Variants in PCDHA7 observed in about 807,000 individuals in gnomAD.
PCDHA7 encodes the protein protocadherin alpha-7.
PCDHA7 carries 37 observed loss-of-function variants against 57.2 expected under a neutral mutation model. That is an observed-to-expected ratio of 0.65 (90% CI 0.50 to 0.85). The LOEUF (loss-of-function observed/expected upper bound fraction) is 0.85. Among genes scored for constraint, PCDHA7 ranks in the 40% least tolerant of loss-of-function variants. The probability of loss-of-function intolerance (pLI) is 0.00; values close to 1 mark genes in which losing one functional copy is unlikely to be tolerated. For synonymous variants in PCDHA7, 553 were observed against 558.8 expected, an observed-to-expected ratio of 0.99 and a Z score of 0.15; for missense variants, 1,188 against 1,241.8, an observed-to-expected ratio of 0.96 and a Z score of 0.65.
intron 1 of PCDHA7, among the ~76,000 whole-genome samples, chr5:140,966,009 G>A (rs2153745631): frequency 6.6e-6 from 1 of 152,278 alleles, no homozygotes; most frequent in South Asian, 2.1e-4. Flanking sequence ...AGTGTCCAGG[G>A]AAGATGTGGG....
chr5:140,921,151 A>AT (rs11299094), intron 1 of PCDHA7, among the ~76,000 whole-genome samples: 2 of 151,512 alleles, frequency 1.3e-5, no homozygotes. Context: ...CAGCTAATGC[A>AT]TTTTTTTTTT....
intron 1 of PCDHA7, among the ~76,000 whole-genome samples, chr5:140,954,580 T>C (rs1193569920): frequency 1.3e-5 from 2 of 152,174 alleles, no homozygotes; most frequent in African/African-American, 4.8e-5. Flanking sequence ...TTTTCAGAAG[T>C]GTCTGTTCAT....
intron 1 of PCDHA7, chr5:140,882,537 TCGACCGCGAGGAGCTGTGTGGGC>T (rs1554174449): frequency 1.2e-6 from 2 of 1,614,058 alleles, no homozygotes; most frequent in African/African-American, 2.7e-5. Flanking sequence ...AATTCTCGGA[TCGACCGCGAGGAGCTGTGTGGGC>T]GGAGCGCGGA....
chr5:140,858,296 C>T, intron 1 of PCDHA7: 1 of 1,597,390 alleles, frequency 6.3e-7, no homozygotes, highest in East Asian at 2.2e-5. Flanking sequence ...GTCTTACTCG[C>T]AGCAGAGGCG....
At chr5:140,980,684 GAAAA>G (rs782726576) in intron 2 of PCDHA7, among the ~76,000 whole-genome samples, 3 of 145,064 alleles carry the variant, frequency 2.1e-5, no homozygotes, top group Non-Finnish European at 4.6e-5. Flanking sequence ...TTTTCAAATT[GAAAA>G]AAAAAAGCCA....
chr5:140,871,332 G>T (rs1182944600), intron 1 of PCDHA7: 6 of 1,614,146 alleles, frequency 3.7e-6, no homozygotes, highest in South Asian at 1.1e-5. Flanking sequence ...GCTCCCGCGC[G>T]GTGGGGAGCT....
intron 1 of PCDHA7, chr5:140,968,520 C>A: frequency 6.2e-7 from 1 of 1,614,194 alleles, no homozygotes; most frequent in Non-Finnish European, 8.5e-7. Flanking sequence ...CCTACCTCAA[C>A]CAACTCGTCA....
intron 1 of PCDHA7, chr5:140,871,305 G>A (rs782666863): frequency 3.7e-6 from 6 of 1,613,874 alleles, no homozygotes; most frequent in African/African-American, 1.3e-5. Context: ...GCGCGCCGGG[G>A]AAGCCCACGC....
chr5:140,882,204 G>T, intron 1 of PCDHA7: 1 of 1,530,664 alleles, frequency 6.5e-7, no homozygotes. Flanking sequence ...ATTGGGCCTT[G>T]AGAGACAGTT....
rs1378161589 is a variant in PCDHA7 at position 140,853,784 on chromosome 5, G to A, written c.2355+17046G>A. Reference sequence around the variant, plus strand: ...AGAAATTCTGAAATGGGTAGTAAGAGCAAATTTTCATTTTAAAGCACACCT... The same window carrying A: ...AGAAATTCTGAAATGGGTAGTAAGAACAAATTTTCATTTTAAAGCACACCT... On this transcript the variant is annotated intron_variant, in intron 1 of 3. Coordinates refer to ENST00000525929, the MANE Select transcript of PCDHA7 (RefSeq NM_018910.3). The A allele has an allele frequency of 6.1e-6, 6 of 987,548 alleles. 1 individual carries two copies. Among genetic ancestry groups the A allele is most frequent in the Non-Finnish European group, 7.3e-6 (6 of 819,678 alleles). The allele number at this position is 987,548 out of a possible 1,614,324, so 61.2% of individuals were successfully genotyped here.
chr5:140,959,382 A>C (rs1332960560), intron 1 of PCDHA7, among the ~76,000 whole-genome samples: 1 of 152,200 alleles, frequency 6.6e-6, no homozygotes, highest in African/African-American at 2.4e-5. Flanking sequence ...TCAAAAAAAA[A>C]AGTCACAAAT....
At chr5:140,876,061 C>T (rs782151232) in intron 1 of PCDHA7, 17 of 1,613,778 alleles carry the variant, frequency 1.1e-5, no homozygotes, top group African/African-American at 1.3e-5. Context: ...ATTAGTTCTT[C>T]GGAAGTTATT....
At chr5:140,946,077 C>T (rs246055) in intron 1 of PCDHA7, among the ~76,000 whole-genome samples, 85,716 of 151,878 alleles carry the variant, frequency 0.56, 24,786 homozygotes, top group African/African-American at 0.69. Context: ...TTGCAAACCA[C>T]AGATCTGATA....
chr5:140,871,364 G>A lies in PCDHA7; in HGVS notation c.2355+34626G>A, dbSNP rs113722940. ...AGCTGGTCATACTCGCAGCAGAGGC[G>A]GCAGAGGGTGTGCTCTGAGGAGGGC... On this transcript the variant is annotated intron_variant, in intron 1 of 3. Transcript: ENST00000525929. The A allele has an allele frequency of 2.5e-5, 40 of 1,614,220 alleles. 1 individual carries two copies. The highest frequency in any genetic ancestry group is 2.0e-4 in the African/African-American group (15 of 75,074).
intron 3 of PCDHA7, among the ~76,000 whole-genome samples, chr5:141,003,395 T>G (rs1217089473): frequency 6.6e-6 from 1 of 152,160 alleles, no homozygotes; most frequent in Non-Finnish European, 1.5e-5. Flanking sequence ...CACTGAAACC[T>G]CCGCCTCCCG....
At chr5:140,895,437 C>A (rs1250254286) in intron 1 of PCDHA7, among the ~76,000 whole-genome samples, 3 of 152,172 alleles carry the variant, frequency 2.0e-5, no homozygotes, top group Non-Finnish European at 2.9e-5. Context: ...TCCTGAGACT[C>A]TTTTCATGTG....
intron 3 of PCDHA7, among the ~76,000 whole-genome samples, chr5:140,991,824 A>T (rs1326935155): frequency 1.3e-5 from 2 of 152,240 alleles, no homozygotes; most frequent in Non-Finnish European, 2.9e-5. Context: ...TTAGGCATTT[A>T]TAACGGCAGA....
intron 1 of PCDHA7, chr5:140,870,349 A>G (rs1554164130): frequency 6.2e-7 from 1 of 1,614,154 alleles, no homozygotes; most frequent in Non-Finnish European, 8.5e-7. Context: ...GGACCGCGAG[A>G]ACGTGTGGGC....
chr5:140,978,427 GTTGCT>G (rs2096802128), intron 1 of PCDHA7, among the ~76,000 whole-genome samples: 1 of 152,196 alleles, frequency 6.6e-6, no homozygotes, highest in Non-Finnish European at 1.5e-5. Context: ...ACTGTTATCA[GTTGCT>G]GGTGTTATGA....
Sources: allele counts gnomAD v4.1 joint callset (sites outside exome capture counted in the v4.1 genomes callset), GRCh38; gene constraint gnomAD v4.1.1; transcripts MANE v1.5; gene names NCBI Gene and HGNC (gene_info 2026-07-23, HGNC 2026-07-21).